The following TXK variants were observed in gnomAD, a reference collection of about 807,000 sequenced individuals.
TXK encodes the protein TXK tyrosine kinase.
TXK carries 60 observed loss-of-function variants against 81.0 expected under a neutral mutation model. The ratio of observed to expected loss-of-function variants is 0.74; its 90% CI spans 0.60 to 0.92. The LOEUF (loss-of-function observed/expected upper bound fraction) is 0.92. Ranked by LOEUF, TXK falls within the 40% of genes least tolerant of loss-of-function variation. The pLI is 0.00. For synonymous variants in TXK, 203 were observed against 210.7 expected (o/e 0.96, Z 0.32); for missense variants, 581 against 638.3 (o/e 0.91, Z 0.97).
intron 6 of TXK, among the ~76,000 whole-genome samples, chr4:48,101,614 T>A (rs1172453375): frequency 6.6e-6 from 1 of 151,850 alleles, no homozygotes; most frequent in South Asian, 2.1e-4. Flanking sequence ...AATATATAAA[T>A]TAGAAAAACA....
chr4:48,134,212 T>C lies in TXK; in HGVS notation c.-42A>G. 1.3e-5 allele frequency: 21 copies of C among 1,609,990 alleles called. No homozygotes were observed. Among genetic ancestry groups the C allele is most frequent in the Non-Finnish European group, 1.8e-5 (21 of 1,178,176 alleles). On this transcript the variant is annotated 5_prime_UTR_variant, in exon 1 of 15. Coordinates refer to ENST00000264316, the MANE Select transcript of TXK (RefSeq NM_003328.3). ...GGGAGCACACAACAGTCTTCAGTTC[T>C]TCTGCGGTGCTCTACTCACAAAAAC... is the stretch of plus-strand genomic sequence containing the variant.
At chr4:48,121,381 C>T (rs1460456536) in intron 1 of TXK, among the ~76,000 whole-genome samples, 1 of 152,200 alleles carries the variant, frequency 6.6e-6, no homozygotes, top group Non-Finnish European at 1.5e-5. Context: ...GGTAAATAAT[C>T]TTAGTCATCC....
At chr4:48,079,508 T>C (rs1466463300) in intron 11 of TXK, among the ~76,000 whole-genome samples, 1 of 152,138 alleles carries the variant, frequency 6.6e-6, no homozygotes, top group African/African-American at 2.4e-5. Context: ...ATCTCCTACC[T>C]AACCAATCAG....
intron 5 of TXK, among the ~76,000 whole-genome samples, 155 bp from the exon 6 acceptor site, chr4:48,105,110 G>C (rs982382743): frequency 6.6e-6 from 1 of 151,734 alleles, no homozygotes; most frequent in South Asian, 2.1e-4. Context: ...ATACTATTGT[G>C]GGTTAATTAA....
At chr4:48,086,696 C>T in intron 9 of TXK, 59 bp from the exon 10 acceptor site, 1 of 1,505,188 alleles carries the variant, frequency 6.6e-7, no homozygotes, top group Non-Finnish European at 9.2e-7. Context: ...AATATTAGGG[C>T]TGGAAAATGT....
At chr4:48,091,097 G>A (rs1717749349) in intron 8 of TXK, among the ~76,000 whole-genome samples, 1 of 152,234 alleles carries the variant, frequency 6.6e-6, no homozygotes, top group Non-Finnish European at 1.5e-5. Context: ...GGCAGAGAGA[G>A]GCCATTCTAA....
At chr4:48,102,590 T>C (rs1408459092) in intron 6 of TXK, among the ~76,000 whole-genome samples, 1 of 152,228 alleles carries the variant, frequency 6.6e-6, no homozygotes, top group Non-Finnish European at 1.5e-5. Context: ...TATCTAATAA[T>C]GTTAAATCTG....
chr4:48,110,150 G>A (rs192782342), intron 5 of TXK, among the ~76,000 whole-genome samples: 2 of 152,218 alleles, frequency 1.3e-5, no homozygotes, highest in Non-Finnish European at 2.9e-5. Flanking sequence ...AGTTCTTATC[G>A]TCAGCTATTT....
chr4:48,087,843 A>G (rs75350250), intron 9 of TXK, among the ~76,000 whole-genome samples: 2,685 of 152,304 alleles, frequency 0.018, 92 homozygotes, highest in African/African-American at 0.061. Flanking sequence ...GATAAATTAT[A>G]CTTCATAAAA....
At chr4:48,114,507 TC>T (rs1718740915) in intron 1 of TXK, 105 bp from the exon 2 acceptor site, 1 of 1,207,100 alleles carries the variant, frequency 8.3e-7, no homozygotes, top group Non-Finnish European at 1.2e-6. Context: ...CGTATGAAAG[TC>T]TCGATCGTGC....
At chr4:48,133,587 A>C (rs2109492685) in intron 1 of TXK, among the ~76,000 whole-genome samples, 1 of 152,306 alleles carries the variant, frequency 6.6e-6, no homozygotes, top group South Asian at 2.1e-4. Context: ...TCGATAACGG[A>C]AGTCTACATA....
At chr4:48,107,190 C>T (rs561658682) in intron 5 of TXK, among the ~76,000 whole-genome samples, 2 of 151,072 alleles carry the variant, frequency 1.3e-5, no homozygotes, top group South Asian at 4.2e-4. Flanking sequence ...ATTGTTCTTA[C>T]TTCTTTAGAT....
intron 13 of TXK, 30 bp from the exon 14 acceptor site, chr4:48,071,704 G>A (rs1297668784): frequency 1.9e-6 from 3 of 1,608,324 alleles, no homozygotes; most frequent in East Asian, 4.5e-5. Context: ...AAAACAAGGG[G>A]TTAGAGAGAA....
intron 11 of TXK, among the ~76,000 whole-genome samples, chr4:48,079,539 C>A (rs962141948): frequency 3.3e-5 from 5 of 152,080 alleles, no homozygotes; most frequent in African/African-American, 1.2e-4. Context: ...TTACTGGCTT[C>A]CCCCCACCCA....
At position 48,114,261 on chromosome 4, in the gene TXK, G is replaced by A. The variant is rs572294114; in HGVS notation, c.71+87C>T. ...AAGGTTCCCAGGTAGAGAGAACAGCGGGTGCAAAGAGACATGGTGACTCCA... is the reference window on the plus strand; with the variant it reads ...AAGGTTCCCAGGTAGAGAGAACAGCAGGTGCAAAGAGACATGGTGACTCCA... On this transcript the variant is annotated intron_variant, in intron 2 of 14. Transcript: ENST00000264316. The A allele has an allele frequency of 1.7e-3, 2,253 of 1,338,764 alleles. 3 individuals are homozygous for A. The highest frequency in any genetic ancestry group is 1.9e-3 in the Non-Finnish European group (1,799 of 937,208). The allele number at this position is 1,338,764 out of a possible 1,614,324, so 82.9% of individuals were successfully genotyped here.
chr4:48,132,060 C>T (rs1296220625), intron 1 of TXK, among the ~76,000 whole-genome samples: 2 of 139,270 alleles, frequency 1.4e-5, no homozygotes, highest in African/African-American at 5.4e-5. Context: ...TTTTTTTTTA[C>T]AAAATCTACA....
intron 1 of TXK, among the ~76,000 whole-genome samples, chr4:48,129,840 A>G (rs563266736): frequency 6.6e-6 from 1 of 152,214 alleles, no homozygotes; most frequent in East Asian, 1.9e-4. Context: ...TGTGAGCTCA[A>G]AGTTCATAAT....
At chr4:48,073,628 C>A (rs747225624) in intron 13 of TXK, among the ~76,000 whole-genome samples, 5 of 152,150 alleles carry the variant, frequency 3.3e-5, no homozygotes, top group African/African-American at 2.4e-5. Context: ...GATCATTTTT[C>A]CTTCAAGCCT....
chr4:48,131,759 T>A (rs150676213), intron 1 of TXK, among the ~76,000 whole-genome samples: 3 of 152,372 alleles, frequency 2.0e-5, no homozygotes, highest in African/African-American at 7.2e-5. Context: ...ATTTTATATA[T>A]AACCGAATCC....
Sources: gnomAD v4.1 joint callset for allele counts (sites outside exome capture counted in the v4.1 genomes callset) on GRCh38, gnomAD v4.1.1 for gene constraint, MANE v1.5 for transcripts, NCBI Gene and HGNC (gene_info 2026-07-23, HGNC 2026-07-21) for gene names.